Variants in UNC80 observed in about 807,000 individuals in gnomAD.
The protein encoded by UNC80 is protein unc-80 homolog.
Under a neutral mutation model 384.6 loss-of-function variants are expected in UNC80, and 164 were observed. The ratio of observed to expected loss-of-function variants is 0.43; its 90% CI spans 0.38 to 0.49. UNC80 has a LOEUF of 0.49. Ranked by LOEUF, UNC80 falls within the 20% of genes least tolerant of loss-of-function variation. The probability of loss-of-function intolerance (pLI) is 0.00; values close to 1 mark genes in which losing one functional copy is unlikely to be tolerated. For missense variants in UNC80, 3,330 were observed against 4,143.0 expected (o/e 0.80, Z 5.39); for synonymous variants, 1,486 against 1,527.8 (o/e 0.97, Z 0.64).
At chr2:209,788,876 C>G (rs1159520197) in intron 5 of UNC80, among the ~76,000 whole-genome samples, 1 of 152,082 alleles carries the variant, frequency 6.6e-6, no homozygotes, top group Non-Finnish European at 1.5e-5. Context: ...CTGACTCACC[C>G]AGAGCAACAC....
intron 6 of UNC80, among the ~76,000 whole-genome samples, 159 bp downstream of exon 6, chr2:209,789,764 C>T (rs567901536): frequency 6.6e-6 from 1 of 151,650 alleles, no homozygotes; most frequent in Non-Finnish European, 1.5e-5. Context: ...TTTTATCAGT[C>T]GTATGAAAAT....
chr2:209,993,030 T>G (rs940731031), intron 62 of UNC80, among the ~76,000 whole-genome samples: 2 of 152,200 alleles, frequency 1.3e-5, no homozygotes, highest in African/African-American at 4.8e-5. Flanking sequence ...CAGTAAGCAA[T>G]AGTTATTCAC....
chr2:209,778,219 A>T (rs2076971307), intron 4 of UNC80, among the ~76,000 whole-genome samples: 1 of 152,132 alleles, frequency 6.6e-6, no homozygotes, highest in Non-Finnish European at 1.5e-5. Flanking sequence ...CCTGGCCAAC[A>T]TGGCAAAACT....
intron 13 of UNC80, among the ~76,000 whole-genome samples, chr2:209,822,533 A>G (rs2080212689): frequency 6.6e-6 from 1 of 152,116 alleles, no homozygotes; most frequent in Non-Finnish European, 1.5e-5. Context: ...TTTGCCCATT[A>G]TAATATTCAA....
At position 209,926,855 on chromosome 2, in the gene UNC80, C is replaced by T. The variant is rs2090474529; in HGVS notation, c.5675C>T (p.Thr1892Ile). The change falls in exon 36 of 65, where the codon ACC (threonine) becomes ATC (isoleucine). Residue 1892 changes from threonine to isoleucine, a missense_variant. Coordinates refer to ENST00000673920, the MANE Select transcript of UNC80 (RefSeq NM_001371986.1). ...SAVSAEDEEH[T>I]TEHTPNHHVP... ...TCTCCCATTTTAGATGAGGAACATACCACTGAACACACGCCGAACCACCAT... is the reference window on the plus strand; with the variant it reads ...TCTCCCATTTTAGATGAGGAACATATCACTGAACACACGCCGAACCACCAT... 6.4e-7 allele frequency: 1 copy of T among 1,552,206 alleles called. No individual in the cohort carries two copies. Among genetic ancestry groups the T allele is most frequent in the South Asian group, 1.2e-5 (1 of 84,034 alleles).
intron 46 of UNC80, 82 bp from the exon 47 acceptor site, chr2:209,945,765 G>A: frequency 2.3e-6 from 2 of 860,854 alleles, no homozygotes; most frequent in Admixed American, 4.1e-5. Context: ...ATACTGGAAT[G>A]ATAACATTAG....
chr2:209,910,100 A>G (rs1385560516), intron 29 of UNC80, among the ~76,000 whole-genome samples: 1 of 151,616 alleles, frequency 6.6e-6, no homozygotes, highest in Non-Finnish European at 1.5e-5. Context: ...GAAACTCAAG[A>G]CTAGTAACCC....
intron 29 of UNC80, among the ~76,000 whole-genome samples, chr2:209,906,941 C>T (rs1553587840): frequency 6.6e-6 from 1 of 152,146 alleles, no homozygotes; most frequent in Non-Finnish European, 1.5e-5. Context: ...GTTCTCCATA[C>T]ACACTTCAGA....
intron 23 of UNC80, among the ~76,000 whole-genome samples, chr2:209,874,380 C>T (rs1167663012): frequency 1.3e-5 from 2 of 152,126 alleles, no homozygotes; most frequent in African/African-American, 4.8e-5. Context: ...TTGATAATCC[C>T]ATTGGCTTCC....
At chr2:209,838,090 C>A (rs1206329928) in intron 18 of UNC80, among the ~76,000 whole-genome samples, 1 of 151,966 alleles carries the variant, frequency 6.6e-6, no homozygotes, top group Admixed American at 6.6e-5. Flanking sequence ...CATCTTAGTA[C>A]GTTGTCCCAT....
intron 25 of UNC80, among the ~76,000 whole-genome samples, chr2:209,887,675 T>G (rs920777936): frequency 1.2e-4 from 19 of 152,200 alleles, no homozygotes; most frequent in Non-Finnish European, 1.6e-4. Flanking sequence ...GTTTCTATCT[T>G]GGGATTCTGA....
Position 209,976,052 on chromosome 2 carries a change from G to C in UNC80, c.8588-67G>C. Reference sequence around the variant, plus strand: ...TTTCTAAAGGTGCATAAAGGGCTCTGGATGTAGGTTGGGTTCCTCGGAAGC... The same window carrying C: ...TTTCTAAAGGTGCATAAAGGGCTCTCGATGTAGGTTGGGTTCCTCGGAAGC... On this transcript the variant is annotated intron_variant, in intron 56 of 64. Transcript: ENST00000673920. The surrounding 1 kb of genome is among the most constrained non-coding windows in gnomAD (Gnocchi z 4.3). 6.8e-7 allele frequency: 1 copy of C among 1,472,166 alleles called. No homozygotes were observed. The highest frequency in any genetic ancestry group is 9.0e-7 in the Non-Finnish European group (1 of 1,108,094). 91.2% of individuals were successfully genotyped at this position (1,472,166 alleles called of 1,614,324 possible).
chr2:209,813,566 C>T lies in UNC80; in HGVS notation c.939-14C>T. 4 of 1,546,052 alleles carry T rather than the reference C, an allele frequency of 2.6e-6. No individual in the cohort carries two copies. The highest frequency in any genetic ancestry group is 3.5e-6 in the Non-Finnish European group (4 of 1,142,972). On this transcript the variant is annotated splice_polypyrimidine_tract_variant and intron_variant, in intron 7 of 64. Coordinates refer to ENST00000673920, the MANE Select transcript of UNC80 (RefSeq NM_001371986.1). The stretch of plus-strand genomic sequence containing the variant: ...GATTGTCAGTATAATTATCTTCTTT[C>T]TGCCATGGAACAGGGCCTCTCTTGT...
chr2:209,956,394 C>T (rs139154886), intron 48 of UNC80, among the ~76,000 whole-genome samples: 150 of 7,612 alleles, frequency 0.02, no homozygotes, highest in African/African-American at 0.072. Flanking sequence ...AATGAACTTC[C>T]AAGCTCATTC....
intron 7 of UNC80, among the ~76,000 whole-genome samples, chr2:209,808,571 CGAG>C (rs2079071615): frequency 1.3e-5 from 2 of 151,730 alleles, no homozygotes; most frequent in Non-Finnish European, 2.9e-5. Flanking sequence ...TGCTACTGCG[CGAG>C]CCCAGCCAGG....
At chr2:209,817,231 G>A in intron 10 of UNC80, 106 bp downstream of exon 10, 1 of 1,085,808 alleles carries the variant, frequency 9.2e-7, no homozygotes, top group Non-Finnish European at 1.3e-6. Flanking sequence ...ATTCAGCCAA[G>A]AAATTTGGGG....
At chr2:209,937,241 C>T (rs1241969898) in intron 41 of UNC80, among the ~76,000 whole-genome samples, 3 of 152,232 alleles carry the variant, frequency 2.0e-5, no homozygotes, top group South Asian at 2.1e-4. Flanking sequence ...TTACGTTGCC[C>T]GTATAATACC....
Position 209,872,396 on chromosome 2 carries a change from G to T in UNC80, c.3628-362G>T, listed in dbSNP as rs192821690. 2.0e-3 allele frequency among the ~76,000 whole-genome samples: 308 copies of T among 152,288 alleles called. 2 individuals carry two copies. The highest frequency in any genetic ancestry group is 7.2e-3 in the African/African-American group (298 of 41,550). ...ATGTAAAATTTAGGGTTCAAAAAAA[G>T]ATTCATCTTTAAGACCTCACTAAAA... On this transcript the variant is annotated intron_variant, in intron 22 of 64. Transcript: ENST00000673920. This position sits in a 1 kb window ranked among gnomAD's most constrained non-coding sequence, Gnocchi z 4.1.
Position 209,888,078 on chromosome 2 carries a change from C to T in UNC80, c.4111-17C>T. 3 of 1,551,514 alleles carry T rather than the reference C, an allele frequency of 1.9e-6. No individual in the cohort carries two copies. The highest frequency in any genetic ancestry group is 1.7e-4 in the Middle Eastern group (1 of 5,982). ...GGGGAGATGCCAGCACTCATGTGCT[C>T]CTCACTGGCATTTTAGGACTTGGAG... is the stretch of plus-strand genomic sequence containing the variant. On this transcript the variant is annotated splice_polypyrimidine_tract_variant and intron_variant, in intron 25 of 64. Coordinates refer to ENST00000673920, the MANE Select transcript of UNC80 (RefSeq NM_001371986.1).
Sources: allele counts gnomAD v4.1 joint callset (sites outside exome capture counted in the v4.1 genomes callset), GRCh38; gene constraint gnomAD v4.1.1; non-coding constraint Gnocchi (gnomAD v3.1); transcripts MANE v1.5; gene names NCBI Gene and HGNC (gene_info 2026-07-23, HGNC 2026-07-21).